The following DSCAML1 variants were observed in gnomAD, a reference collection of about 807,000 sequenced individuals.
DSCAML1 encodes DS cell adhesion molecule like 1.
In DSCAML1, 38 loss-of-function variants were observed where a neutral mutation model predicts 200.5. The ratio of observed to expected loss-of-function variants is 0.19; its 90% CI spans 0.15 to 0.25. The LOEUF is 0.25. DSCAML1 is among the 10% of genes least tolerant of loss of function. DSCAML1 has a pLI of 1.00. For synonymous variants in DSCAML1, 1,215 were observed against 1,165.0 expected (o/e 1.04, Z -0.87); for missense variants, 2,223 against 2,858.8 (o/e 0.78, Z 5.07).
At chr11:117,772,465 G>A (rs1565275858) in intron 3 of DSCAML1, among the ~76,000 whole-genome samples, 1 of 152,176 alleles carries the variant, frequency 6.6e-6, no homozygotes. Flanking sequence ...CCATTTGCAT[G>A]GACAAAGGAG....
At chr11:117,632,327 G>A (rs1230530885) in intron 3 of DSCAML1, among the ~76,000 whole-genome samples, 1 of 152,166 alleles carries the variant, frequency 6.6e-6, no homozygotes, top group East Asian at 1.9e-4. Flanking sequence ...GGCTGCTCTT[G>A]CTGCTGGTTT....
At chr11:117,460,175 C>G (rs1009939657) in intron 18 of DSCAML1, among the ~76,000 whole-genome samples, 1 of 152,262 alleles carries the variant, frequency 6.6e-6, no homozygotes. Flanking sequence ...CCACCCTTTA[C>G]TTGGTTCCAC....
chr11:117,501,025 G>A (rs906571983), intron 11 of DSCAML1, among the ~76,000 whole-genome samples: 1 of 152,136 alleles, frequency 6.6e-6, no homozygotes. Flanking sequence ...GCAAGTGGGC[G>A]ATGATGTGGG....
intron 3 of DSCAML1, among the ~76,000 whole-genome samples, chr11:117,605,833 G>A (rs1565821563): frequency 1.3e-5 from 2 of 152,286 alleles, no homozygotes; most frequent in Non-Finnish European, 2.9e-5. Flanking sequence ...GCCATTTTGG[G>A]TGTGGGGGTG....
intron 31 of DSCAML1, 25 bp from the exon 32 acceptor site, chr11:117,431,058 G>A (rs1179376289): frequency 1.9e-6 from 3 of 1,588,402 alleles, no homozygotes; most frequent in South Asian, 1.2e-5. Context: ...GGAAAGGGGT[G>A]GGTTACGGGG....
At position 117,480,150 on chromosome 11, in the gene DSCAML1, A is replaced by G. The variant is rs1026775945; in HGVS notation, c.2785+293T>C. ...ACAGCCCTGGGTTCAGTGCCCTTAC[A>G]TGGCTTCAAATCAGACCACCCTTGG... On this transcript the variant is annotated intron_variant, in intron 14 of 32. Transcript: ENST00000651296. This position sits in a 1 kb window ranked among gnomAD's most constrained non-coding sequence, Gnocchi z 4.1. 3.3e-5 allele frequency among the ~76,000 whole-genome samples: 5 copies of G among 152,148 alleles called. No homozygotes were observed. Among genetic ancestry groups the G allele is most frequent in the Non-Finnish European group, 7.4e-5 (5 of 68,016 alleles).
upstream of DSCAML1, among the ~76,000 whole-genome samples, chr11:117,797,718 G>A (rs1309824647): frequency 6.6e-6 from 1 of 151,770 alleles, no homozygotes; most frequent in African/African-American, 2.4e-5. Context: ...ACTTCCGCAA[G>A]CCTGCCCTCC....
chr11:117,593,142 G>C lies in DSCAML1; in HGVS notation c.512-60620C>G, dbSNP rs552078118. Among the ~76,000 whole-genome samples the C allele has an allele frequency of 1.7e-3, 251 of 152,080 alleles. 1 individual carries two copies. Among genetic ancestry groups the C allele is most frequent in the Non-Finnish European group, 2.8e-3 (188 of 68,044 alleles). On this transcript the variant is annotated intron_variant, in intron 3 of 32. Transcript: ENST00000651296. The stretch of plus-strand genomic sequence containing the variant: ...GGGGGCAGTGAGGGGCATAGGCCCA[G>C]CTCCTCCATCCCCTGGGCCCACGTG...
intron 3 of DSCAML1, among the ~76,000 whole-genome samples, chr11:117,748,249 C>T (rs542132716): frequency 1.3e-5 from 2 of 152,324 alleles, no homozygotes; most frequent in Admixed American, 1.3e-4. Context: ...GCCCTGGACA[C>T]ACTCCGTAAT....
At chr11:117,728,144 G>A (rs1315337734) in intron 3 of DSCAML1, among the ~76,000 whole-genome samples, 1 of 152,164 alleles carries the variant, frequency 6.6e-6, no homozygotes, top group African/African-American at 2.4e-5. Context: ...ATCCATTAAT[G>A]TAATACAACA....
chr11:117,441,143 AG>A (rs1353233850), intron 21 of DSCAML1, among the ~76,000 whole-genome samples: 1 of 152,034 alleles, frequency 6.6e-6, no homozygotes, highest in Non-Finnish European at 1.5e-5. Flanking sequence ...GTTTGGGGGA[AG>A]AGAGCGGGGA....
In DSCAML1 at chr11:117,469,863, G is replaced by A; in HGVS notation, c.3024+47C>T. 4 of 1,537,698 alleles carry A rather than the reference G, an allele frequency of 2.6e-6. No individual in the cohort carries two copies. Among genetic ancestry groups the A allele is most frequent in the Middle Eastern group, 1.7e-4 (1 of 5,770 alleles). On this transcript the variant is annotated intron_variant, in intron 16 of 32. Coordinates refer to ENST00000651296, the MANE Select transcript of DSCAML1 (RefSeq NM_020693.4). The surrounding 1 kb of genome is among the most constrained non-coding windows in gnomAD (Gnocchi z 4.1). ...GAGCTTTCGTCCTGGATTGAGGAGA[G>A]AGGAGGCAAGCAGACATTCCAGGGG...
Position 117,780,231 on chromosome 11 carries a change from GGAAAGAAAGAAAGAAAGAAAGAAA to G in DSCAML1, c.364+238_364+261del, listed in dbSNP as rs762329735. On this transcript the variant is annotated intron_variant, in intron 2 of 32. Coordinates refer to ENST00000651296, the MANE Select transcript of DSCAML1 (RefSeq NM_020693.4). This position sits in a 1 kb window ranked among gnomAD's most constrained non-coding sequence, Gnocchi z 4.8. ...AAAGAGAGAGAGAGAAAGAAAGAAAGGAAAGAAAGAAAGAAAGAAAGAAAGAAAGAAAGAAAGAAAGAAAGAAAG... is the reference window on the plus strand; with the variant it reads ...AAAGAGAGAGAGAGAAAGAAAGAAAGGAAAGAAAGAAAGAAAGAAAGAAAG... 1.3e-4 allele frequency among the ~76,000 whole-genome samples: 8 copies of G among 60,708 alleles called. No individual in the cohort carries two copies. Among genetic ancestry groups the G allele is most frequent in the East Asian group, 4.8e-4 (1 of 2,094 alleles). The allele number at this position is 60,708 out of a possible 152,430, so 39.8% of individuals were successfully genotyped here.
At position 117,690,227 on chromosome 11, in the gene DSCAML1, G is replaced by T. The variant is rs79460510; in HGVS notation, c.511+86564C>A. ...ACAGATTCTACTGAGTACCTATTAAGAGCTGGGCACTGTGCTGGGGCACTG... is the reference window on the plus strand; with the variant it reads ...ACAGATTCTACTGAGTACCTATTAATAGCTGGGCACTGTGCTGGGGCACTG... On this transcript the variant is annotated intron_variant, in intron 3 of 32. Coordinates refer to ENST00000651296, the MANE Select transcript of DSCAML1 (RefSeq NM_020693.4). Among the ~76,000 whole-genome samples the T allele has an allele frequency of 7.6e-3, 1,154 of 152,378 alleles. 23 individuals carry two copies. Among genetic ancestry groups the T allele is most frequent in the African/African-American group, 0.026 (1,071 of 41,588 alleles).
At chr11:117,651,210 C>T (rs1245789402) in intron 3 of DSCAML1, among the ~76,000 whole-genome samples, 1 of 152,228 alleles carries the variant, frequency 6.6e-6, no homozygotes, top group Non-Finnish European at 1.5e-5. Flanking sequence ...GGGTCTGCAG[C>T]TCCAGCCTCA....
rs2049768291 is a variant in DSCAML1, at chr11:117,516,392, G to A, written c.1783+75C>T. ...CCCAGGATTGCCTATTGTTGTCTGA[G>A]TCCCAGCTGGGGAAAGGCCCACGCA... On this transcript the variant is annotated intron_variant, in intron 8 of 32. Transcript: ENST00000651296. This position sits in a 1 kb window ranked among gnomAD's most constrained non-coding sequence, Gnocchi z 5.7. The A allele has an allele frequency of 1.3e-6, 2 of 1,541,630 alleles. No individual in the cohort carries two copies. The highest frequency in any genetic ancestry group is 2.7e-5 in the African/African-American group (2 of 73,388).
chr11:117,735,812 C>A (rs1344921927), intron 3 of DSCAML1, among the ~76,000 whole-genome samples: 1 of 152,182 alleles, frequency 6.6e-6, no homozygotes, highest in Non-Finnish European at 1.5e-5. Context: ...ACCCTGGCTT[C>A]CCCCAAGCCC....
rs1311721935 is a variant in DSCAML1 at position 117,746,209 on chromosome 11, G to T, written c.511+30582C>A. Among the ~76,000 whole-genome samples the T allele has an allele frequency of 4.8e-5, 5 of 105,226 alleles. No individual in the cohort carries two copies. In the Admixed American group the frequency reaches 5.6e-4, roughly 12 times the overall value. 69.0% of individuals were successfully genotyped at this position (105,226 alleles called of 152,430 possible). The stretch of plus-strand genomic sequence containing the variant: ...TGCACTCCAGCCTGGGCATCAGAGC[G>T]AGACTCTGTCTCAAAAAAAAAAAAA... On this transcript the variant is annotated intron_variant, in intron 3 of 32. Transcript: ENST00000651296.
intron 3 of DSCAML1, among the ~76,000 whole-genome samples, chr11:117,665,582 T>C (rs1024569572): frequency 6.6e-6 from 1 of 152,212 alleles, no homozygotes; most frequent in Non-Finnish European, 1.5e-5. Context: ...TAAGCTGCAA[T>C]GGCTTCCTGG....
Sources: gnomAD v4.1 joint callset for allele counts (sites outside exome capture counted in the v4.1 genomes callset) on GRCh38, gnomAD v4.1.1 for gene constraint, Gnocchi (gnomAD v3.1) non-coding constraint, MANE v1.5 for transcripts, NCBI Gene and HGNC (gene_info 2026-07-23, HGNC 2026-07-21) for gene names.